The following ADAMTS9 variants were observed in gnomAD, a reference collection of about 807,000 sequenced individuals.
The protein encoded by ADAMTS9 is A disintegrin and metalloproteinase with thrombospondin motifs 9.
In ADAMTS9, 107 loss-of-function variants were observed where a neutral mutation model predicts 257.1. That is an observed-to-expected ratio of 0.42 (90% confidence interval 0.36 to 0.49). The LOEUF is 0.49. Ranked by LOEUF, ADAMTS9 falls within the 20% of genes least tolerant of loss-of-function variation. The probability of loss-of-function intolerance (pLI) is 0.03; values close to 1 mark genes in which losing one functional copy is unlikely to be tolerated. For synonymous variants in ADAMTS9, 982 were observed against 880.9 expected (o/e 1.11, Z -2.03); for missense variants, 2,353 against 2,469.1 (o/e 0.95, Z 1.00).
intron 30 of ADAMTS9, among the ~76,000 whole-genome samples, chr3:64,560,217 A>G (rs999500220): frequency 1.3e-5 from 2 of 152,220 alleles, no homozygotes; most frequent in African/African-American, 4.8e-5. Flanking sequence ...GTAGAATTTT[A>G]TAGTCTCTAG....
rs777787758 is a variant in ADAMTS9 at position 64,539,234 on chromosome 3, C to G, written c.5582G>C (p.Gly1861Ala). ...GCACTTGGCAGCGCTGTAGCAATCC[C>G]CGGCTGTGGCAAAAGGGACGGGATG... ...EGHPVPFATA[G>A]DCYSAAKCPQ... The change falls in exon 37 of 40, where the codon GGG (glycine) becomes GCG (alanine). Residue 1861 changes from glycine to alanine, a missense_variant. By Grantham distance (60) the Gly-to-Ala change is moderately conservative (BLOSUM62 0). This residue lies in a region of ADAMTS9 where 1,402 missense variants were observed against 1,441.4 expected (regional missense o/e 0.97). Transcript: ENST00000498707. 1 of 1,614,050 alleles carries G rather than the reference C, an allele frequency of 6.2e-7. No individual in the cohort carries two copies. Among genetic ancestry groups the G allele is most frequent in the Non-Finnish European group, 8.5e-7 (1 of 1,179,936 alleles).
At position 64,633,509 on chromosome 3, in the gene ADAMTS9, T is replaced by C; in HGVS notation, c.2138A>G (p.Gln713Arg). The C allele has an allele frequency of 6.2e-7, 1 of 1,614,142 alleles. No homozygotes were observed. The highest frequency in any genetic ancestry group is 1.1e-5 in the South Asian group (1 of 91,088). The change falls in exon 14 of 40, where the codon CAG (glutamine) becomes CGG (arginine). Residue 713 changes from glutamine (Q) to arginine (R), a missense_variant. Gln to Arg is a conservative substitution (Grantham distance 43). Transcript: ENST00000498707. ...DRVIDGTPCG[Q>R]DTNDICVQGL... ...CTGGACACAGATATCATTTGTGTCC[T>C]GGCCACAAGGAGTTCCATCTATCAC... is the stretch of plus-strand genomic sequence containing the variant.
chr3:64,539,471 T>C (rs2083093425), intron 36 of ADAMTS9, among the ~76,000 whole-genome samples, 177 bp from the exon 37 acceptor site: 2 of 152,142 alleles, frequency 1.3e-5, no homozygotes, highest in African/African-American at 4.8e-5. Context: ...ACTTGCTTTT[T>C]CCTGATTATA....
chr3:64,623,907 A>G (rs941984172), intron 16 of ADAMTS9, among the ~76,000 whole-genome samples: 1 of 152,160 alleles, frequency 6.6e-6, no homozygotes, highest in Non-Finnish European at 1.5e-5. Context: ...AAAAGATGAA[A>G]AAAATCAGTG....
rs1576160971 is a variant in ADAMTS9, at chr3:64,650,934, T to A, written c.1463+83A>T. 1.1e-5 allele frequency: 16 copies of A among 1,391,690 alleles called. No homozygotes were observed. In the South Asian group the frequency reaches 2.3e-4, roughly 20 times the overall value. 86.2% of individuals were successfully genotyped at this position (1,391,690 alleles called of 1,614,324 possible). A position where few individuals can be genotyped will look rare whatever the true frequency, so the allele number is the denominator to read the frequency against. ...AAATAACTCAAAAGGAATGTTTGAC[T>A]TCATATTGTCTTTCCCACAATTAGT... On this transcript the variant is annotated intron_variant, in intron 9 of 39. Coordinates refer to ENST00000498707, the MANE Select transcript of ADAMTS9 (RefSeq NM_182920.2).
At chr3:64,641,760 A>G (rs1050553621) in intron 12 of ADAMTS9, 88 bp downstream of exon 12, 2 of 1,529,514 alleles carry the variant, frequency 1.3e-6, no homozygotes, top group Non-Finnish European at 1.8e-6. Context: ...CTAAGTTGGA[A>G]TGTACTCTTC....
At position 64,622,461 on chromosome 3, in the gene ADAMTS9, T is replaced by C; in HGVS notation, c.2515A>G (p.Ile839Val). 1 of 1,614,100 alleles carries C rather than the reference T, an allele frequency of 6.2e-7. No individual in the cohort carries two copies. The highest frequency in any genetic ancestry group is 8.5e-7 in the Non-Finnish European group (1 of 1,179,984). The stretch of plus-strand genomic sequence containing the variant: ...TGCTCAATGCGATCTGTTGAGTTAA[T>C]TCTTTCTACGGCAGTCTCGGACCCA... ...YSGSETAVER[I>V]NSTDRIEQEL... Residue 839 changes from isoleucine (I) to valine (V), a missense_variant, in exon 17 of 40, where the codon ATT (isoleucine) becomes GTT (valine). By Grantham distance (29) the Ile-to-Val change is conservative. Coordinates refer to ENST00000498707, the MANE Select transcript of ADAMTS9 (RefSeq NM_182920.2).
At position 64,635,148 on chromosome 3, in the gene ADAMTS9, G is replaced by A. The variant is rs1338044760; in HGVS notation, c.1857-1269C>T. Among the ~76,000 whole-genome samples, 3 of 152,150 alleles carry A rather than the reference G, an allele frequency of 2.0e-5. No homozygotes were observed. In the East Asian group the frequency reaches 5.8e-4, roughly 29 times the overall value. The stretch of plus-strand genomic sequence containing the variant: ...TTGAGCACCCACTCTGAGCACCGAG[G>A]CAGGACTCAGTGCTCCTGCAGCGTG... On this transcript the variant is annotated intron_variant, in intron 12 of 39. Transcript: ENST00000498707.
intron 28 of ADAMTS9, among the ~76,000 whole-genome samples, chr3:64,573,425 A>G (rs1174640794): frequency 6.6e-6 from 1 of 152,224 alleles, no homozygotes; most frequent in Non-Finnish European, 1.5e-5. Flanking sequence ...AATGTCATAT[A>G]CGAGAACCTA....
chr3:64,542,863 C>T (rs1157793180), intron 32 of ADAMTS9, among the ~76,000 whole-genome samples: 3 of 152,018 alleles, frequency 2.0e-5, no homozygotes, highest in Admixed American at 1.3e-4. Context: ...ATTGATAGAC[C>T]ACTAGCAAGA....
chr3:64,569,586 A>C (rs1053998707), intron 28 of ADAMTS9, among the ~76,000 whole-genome samples: 1 of 152,230 alleles, frequency 6.6e-6, no homozygotes, highest in Admixed American at 6.5e-5. Context: ...GCACCATGTG[A>C]AACATGTAAC....
At chr3:64,673,183 G>A (rs926267184) in intron 3 of ADAMTS9, among the ~76,000 whole-genome samples, 2 of 151,538 alleles carry the variant, frequency 1.3e-5, no homozygotes, top group Non-Finnish European at 2.9e-5. Context: ...TATGCATGAC[G>A]GCACTGTAAA....
rs35066970 is a variant in ADAMTS9, at chr3:64,663,730, T to C, written c.680-4939A>G. 5.4e-3 allele frequency among the ~76,000 whole-genome samples: 824 copies of C among 152,256 alleles called. 3 individuals are homozygous for C. Among genetic ancestry groups the C allele is most frequent in the Admixed American group, 8.7e-3 (133 of 15,290 alleles). On this transcript the variant is annotated intron_variant, in intron 3 of 39. Coordinates refer to ENST00000498707, the MANE Select transcript of ADAMTS9 (RefSeq NM_182920.2). ...ATCGAAGAAATAATTCAGCATACTTTAGGTGGCATGAAAATGTAAAACCCA... is the reference window on the plus strand; with the variant it reads ...ATCGAAGAAATAATTCAGCATACTTCAGGTGGCATGAAAATGTAAAACCCA...
intron 29 of ADAMTS9, among the ~76,000 whole-genome samples, chr3:64,562,735 G>A (rs2083449978): frequency 1.3e-5 from 2 of 152,152 alleles, no homozygotes; most frequent in Non-Finnish European, 2.9e-5. Context: ...TTCCTAAGAG[G>A]AAGTCTTCTT....
intron 23 of ADAMTS9, among the ~76,000 whole-genome samples, chr3:64,605,359 C>T (rs1301505717): frequency 6.6e-6 from 1 of 152,170 alleles, no homozygotes; most frequent in Non-Finnish European, 1.5e-5. Context: ...AGGCATTCAT[C>T]ATTTGGAACA....
chr3:64,685,532 G>C (rs748293332), intron 2 of ADAMTS9, among the ~76,000 whole-genome samples: 1 of 152,198 alleles, frequency 6.6e-6, no homozygotes, highest in East Asian at 1.9e-4. Context: ...GAAAGTCAAG[G>C]ACCACCCTTG....
At chr3:64,647,048 T>C (rs1700812285) in intron 11 of ADAMTS9, among the ~76,000 whole-genome samples, 2 of 151,684 alleles carry the variant, frequency 1.3e-5, no homozygotes, top group Admixed American at 6.6e-5. Context: ...GGAAATGAGA[T>C]GAGAATAAAT....
chr3:64,622,932 T>C (rs957463757), intron 16 of ADAMTS9, among the ~76,000 whole-genome samples: 3 of 152,244 alleles, frequency 2.0e-5, no homozygotes, highest in African/African-American at 7.2e-5. Flanking sequence ...AAAGTGTTTA[T>C]ATGATTTGAA....
chr3:64,651,790 C>G (rs1168982349), intron 8 of ADAMTS9, among the ~76,000 whole-genome samples: 1 of 152,122 alleles, frequency 6.6e-6, no homozygotes, highest in Admixed American at 6.5e-5. Context: ...TCAGAGATGG[C>G]AAATAGTTTC....
Sources: gnomAD v4.1 joint callset for allele counts (sites outside exome capture counted in the v4.1 genomes callset) on GRCh38, gnomAD v4.1.1 for gene constraint, gnomAD v4.1.1 regional missense constraint, MANE v1.5 for transcripts, NCBI Gene and HGNC (gene_info 2026-07-23, HGNC 2026-07-21) for gene names.